BACE2: variants seen among roughly 807,000 people sequenced by gnomAD.
BACE2 encodes beta-secretase 2, also known as 56 kDa aspartic-like protease.
Under a neutral mutation model 46.2 loss-of-function variants are expected in BACE2, and 17 were observed. The observed-to-expected ratio is 0.37, with a 90% CI of 0.25 to 0.55. BACE2 has a LOEUF of 0.55. Ranked by LOEUF, BACE2 falls within the 20% of genes least tolerant of loss-of-function variation. BACE2 has a pLI of 0.82. For synonymous variants in BACE2, 277 were observed against 295.9 expected (o/e 0.94, Z 0.66); for missense variants, 595 against 698.1 (o/e 0.85, Z 1.66).
At chr21:41,221,070 G>A (rs1047214103) in intron 1 of BACE2, among the ~76,000 whole-genome samples, 1 of 149,664 alleles carries the variant, frequency 6.7e-6, no homozygotes, top group Admixed American at 6.7e-5. Context: ...AAACAGTAGA[G>A]TGCCTTTGCC....
At position 41,168,320 on chromosome 21, in the gene BACE2, C is replaced by T; in HGVS notation, c.57C>T (p.Arg19=). The change falls in exon 1 of 9, where the codon CGC becomes CGT. Residue 19 remains arginine, a synonymous_variant. Coordinates refer to ENST00000330333, the MANE Select transcript of BACE2 (RefSeq NM_012105.5). The part of the protein sequence containing the change: ...LLPLLAQWLL[R]AAPELAPAPF... ...CTCTGCTGGCCCAGTGGCTCCTGCGCGCCGCCCCGGAGCTGGCCCCCGCGC... is the reference window on the plus strand; with the variant it reads ...CTCTGCTGGCCCAGTGGCTCCTGCGTGCCGCCCCGGAGCTGGCCCCCGCGC... 7.5e-7 allele frequency: 1 copy of T among 1,337,178 alleles called. No homozygotes were observed. The highest frequency in any genetic ancestry group is 9.6e-7 in the Non-Finnish European group (1 of 1,043,674). The allele number at this position is 1,337,178 out of a possible 1,614,324, so 82.8% of individuals were successfully genotyped here.
At chr21:41,199,234 C>T (rs1210125581) in intron 1 of BACE2, among the ~76,000 whole-genome samples, 1 of 152,062 alleles carries the variant, frequency 6.6e-6, no homozygotes, top group Non-Finnish European at 1.5e-5. Context: ...TCCTCTTTCC[C>T]CTTTCCTCCT....
intron 1 of BACE2, among the ~76,000 whole-genome samples, chr21:41,208,967 T>C (rs1392780587): frequency 3.3e-5 from 5 of 152,148 alleles, no homozygotes; most frequent in Non-Finnish European, 7.4e-5. Flanking sequence ...TAGGATACCT[T>C]TGGATTGGAG....
At chr21:41,210,653 G>A (rs1179512269) in intron 1 of BACE2, among the ~76,000 whole-genome samples, 1 of 152,194 alleles carries the variant, frequency 6.6e-6, no homozygotes, top group Non-Finnish European at 1.5e-5. Context: ...CTGACTTCAG[G>A]AACCTCCTCC....
intron 1 of BACE2, chr21:41,176,794 A>G (rs9977003): frequency 0.64 from 96,750 of 152,082 alleles, 31,351 homozygotes; most frequent in East Asian, 0.97. Context: ...AGTCTATCAC[A>G]GGGCCACAAG....
chr21:41,253,640 A>T (rs1359422385), intron 7 of BACE2, among the ~76,000 whole-genome samples: 2 of 152,050 alleles, frequency 1.3e-5, no homozygotes, highest in African/African-American at 4.8e-5. Context: ...ATTAGGGGGA[A>T]ACCTCAGTCC....
At chr21:41,268,933 T>C (rs1884184553) in intron 8 of BACE2, among the ~76,000 whole-genome samples, 1 of 152,134 alleles carries the variant, frequency 6.6e-6, no homozygotes, top group Non-Finnish European at 1.5e-5. Flanking sequence ...GGTTTGTTTT[T>C]TCTTTTTTCT....
At chr21:41,259,229 T>C (rs1374910201) in intron 8 of BACE2, among the ~76,000 whole-genome samples, 5 of 152,228 alleles carry the variant, frequency 3.3e-5, no homozygotes, top group African/African-American at 1.2e-4. Flanking sequence ...GATGCTCTTA[T>C]ATACAGCTTT....
At chr21:41,244,226 A>G (rs1227809074) in intron 5 of BACE2, among the ~76,000 whole-genome samples, 1 of 152,176 alleles carries the variant, frequency 6.6e-6, no homozygotes, top group Non-Finnish European at 1.5e-5. Context: ...ATTACCCATC[A>G]CATCCCAACA....
rs959704054 is a variant in BACE2 at position 41,246,456 on chromosome 21, G to A, written c.984+393G>A. ...AAACAATACTTGCTAATATAGCTAT[G>A]TTAGAGTAAACAATAAATCGAGAAT... is the stretch of plus-strand genomic sequence containing the variant. On this transcript the variant is annotated intron_variant, in intron 6 of 8. Coordinates refer to ENST00000330333, the MANE Select transcript of BACE2 (RefSeq NM_012105.5). Among the ~76,000 whole-genome samples, 13 of 152,120 alleles carry A rather than the reference G, an allele frequency of 8.5e-5. No individual in the cohort carries two copies. The East Asian group carries it at 2.3e-3, about 27-fold the overall frequency.
intron 5 of BACE2, among the ~76,000 whole-genome samples, chr21:41,244,882 A>T (rs1001579497): frequency 1.1e-4 from 13 of 122,220 alleles, no homozygotes; most frequent in Middle Eastern, 5.0e-3. Context: ...TGTGTGTGTG[A>T]GTGTGTGTGT....
intron 6 of BACE2, among the ~76,000 whole-genome samples, chr21:41,246,467 CAATA>C (rs1316692426): frequency 6.6e-6 from 1 of 152,046 alleles, no homozygotes; most frequent in African/African-American, 2.4e-5. Flanking sequence ...TTAGAGTAAA[CAATA>C]AATCGAGAAT....
At chr21:41,258,574 TAAAG>T (rs770361213) in intron 8 of BACE2, among the ~76,000 whole-genome samples, 2 of 152,228 alleles carry the variant, frequency 1.3e-5, no homozygotes, top group Non-Finnish European at 1.5e-5. Flanking sequence ...TCCTGGTAAA[TAAAG>T]CAGATAAAGG....
At chr21:41,235,002 C>G (rs1394870507) in intron 2 of BACE2, among the ~76,000 whole-genome samples, 2 of 152,182 alleles carry the variant, frequency 1.3e-5, no homozygotes, top group East Asian at 3.8e-4. Flanking sequence ...AAAAGCCAAC[C>G]ATCTTTATAT....
Position 41,168,478 on chromosome 21 carries a change from C to T in BACE2, c.215C>T (p.Ala72Val), listed in dbSNP as rs776469538. The T allele has an allele frequency of 1.2e-5, 17 of 1,385,894 alleles. No individual in the cohort carries two copies. Among genetic ancestry groups the T allele is most frequent in the Non-Finnish European group, 1.6e-5 (17 of 1,066,130 alleles). The allele number at this position is 1,385,894 out of a possible 1,614,324, so 85.8% of individuals were successfully genotyped here. ...LALEPALASP[A>V]GAANFLAMVD... ...CTGGAGCCTGCCCTGGCGTCCCCCGCGGGCGCCGCCAACTTCTTGGCCATG... is the reference window on the plus strand; with the variant it reads ...CTGGAGCCTGCCCTGGCGTCCCCCGTGGGCGCCGCCAACTTCTTGGCCATG... The change falls in exon 1 of 9, where the codon GCG (alanine) becomes GTG (valine). Residue 72 changes from alanine to valine, a missense_variant. This residue lies in a region of BACE2 where 248 missense variants were observed against 261.4 expected (regional missense o/e 0.95). Coordinates refer to ENST00000330333, the MANE Select transcript of BACE2 (RefSeq NM_012105.5).
At chr21:41,240,898 A>G (rs1987267508) in intron 3 of BACE2, among the ~76,000 whole-genome samples, 1 of 152,172 alleles carries the variant, frequency 6.6e-6, no homozygotes, top group African/African-American at 2.4e-5. Context: ...GTTCTCACGG[A>G]TAGTAAATAA....
At chr21:41,204,974 T>A (rs371702994) in intron 1 of BACE2, among the ~76,000 whole-genome samples, 21 of 152,140 alleles carry the variant, frequency 1.4e-4, no homozygotes, top group African/African-American at 4.1e-4. Context: ...GAAAAAAACA[T>A]CAAAGCCTTA....
At chr21:41,242,666 C>T (rs1193736408) in intron 4 of BACE2, among the ~76,000 whole-genome samples, 1 of 152,144 alleles carries the variant, frequency 6.6e-6, no homozygotes, top group African/African-American at 2.4e-5. Context: ...AAGCTTTGAT[C>T]AGGGAAGTGC....
chr21:41,225,486 CT>C (rs1287810379), intron 1 of BACE2: 1 of 152,122 alleles, frequency 6.6e-6, no homozygotes, highest in East Asian at 1.9e-4. Flanking sequence ...ACAAGTTGCA[CT>C]TAAGAAGCTA....
Sources: allele counts gnomAD v4.1 joint callset (sites outside exome capture counted in the v4.1 genomes callset), GRCh38; gene constraint gnomAD v4.1.1; regional missense constraint gnomAD v4.1.1; transcripts MANE v1.5; gene names NCBI Gene and HGNC (gene_info 2026-07-23, HGNC 2026-07-21).